Variants in RPGRIP1 observed in about 807,000 individuals in gnomAD.
RPGRIP1 encodes the protein RPGR interacting protein 1, also known as X-linked retinitis pigmentosa GTPase regulator-interacting protein 1.
In RPGRIP1, 128 loss-of-function variants were observed where a neutral mutation model predicts 157.9. The observed-to-expected ratio is 0.81, with a 90% confidence interval of 0.70 to 0.94. RPGRIP1 has a LOEUF of 0.94. Ranked by LOEUF, RPGRIP1 falls within the 40% of genes least tolerant of loss-of-function variation. RPGRIP1 has a pLI of 0.00. For missense variants in RPGRIP1, 1,486 were observed against 1,545.8 expected (o/e 0.96, Z 0.65); for synonymous variants, 554 against 571.6 (o/e 0.97, Z 0.44).
intron 21 of RPGRIP1, among the ~76,000 whole-genome samples, chr14:21,341,509 A>G (rs1409603434): frequency 1.3e-5 from 2 of 152,112 alleles, no homozygotes; most frequent in African/African-American, 4.8e-5. Context: ...CCAGCTAGTG[A>G]AAAGAAGCAT....
intron 1 of RPGRIP1, among the ~76,000 whole-genome samples, chr14:21,284,344 A>G (rs1467569294): frequency 1.3e-5 from 2 of 152,166 alleles, no homozygotes; most frequent in African/African-American, 4.8e-5. Context: ...ACCTAAAGGT[A>G]GGAACAGAGC....
At chr14:21,342,502 C>A (rs972077972) in intron 21 of RPGRIP1, among the ~76,000 whole-genome samples, 6 of 148,352 alleles carry the variant, frequency 4.0e-5, no homozygotes, top group African/African-American at 1.5e-4. Flanking sequence ...CATGATCACA[C>A]AACTGCCCTC....
intron 13 of RPGRIP1, 180 bp downstream of exon 13, chr14:21,321,582 C>A: frequency 7.7e-7 from 1 of 1,300,508 alleles, no homozygotes; most frequent in Non-Finnish European, 1.0e-6. Context: ...CCCACGGCAC[C>A]TTGGCACTAG....
rs10561385 is a variant in RPGRIP1, at chr14:21,348,663, CTTT to C, written c.3748+379_3748+381del. Among the ~76,000 whole-genome samples, 804 of 82,414 alleles carry C rather than the reference CTTT, an allele frequency of 9.8e-3. 6 individuals carry two copies. Among genetic ancestry groups the C allele is most frequent in the African/African-American group, 0.035 (727 of 21,070 alleles). 54.1% of individuals were successfully genotyped at this position (82,414 alleles called of 152,430 possible). ...TTCTTTATGTTATCATGCATCCAGT[CTTT>C]TTTTTTTTTTTTTTTTTGAGATGGA... On this transcript the variant is annotated intron_variant, in intron 24 of 24. Transcript: ENST00000400017.
chr14:21,293,191 C>T (rs144232376), intron 2 of RPGRIP1, among the ~76,000 whole-genome samples: 1 of 152,010 alleles, frequency 6.6e-6, no homozygotes, highest in Non-Finnish European at 1.5e-5. Flanking sequence ...ATATGGTTCC[C>T]ATTCACCATG....
intron 13 of RPGRIP1, 38 bp from the exon 14 acceptor site, chr14:21,321,816 C>A: frequency 6.3e-7 from 1 of 1,596,556 alleles, no homozygotes; most frequent in Non-Finnish European, 8.5e-7. Context: ...GGTTTTAGGC[C>A]ACTGAGATAG....
chr14:21,343,283 G>A lies in RPGRIP1; in HGVS notation c.3532+55G>A, dbSNP rs1363392354. ...AGGAAGTCTGATGAACATTGAGACT[G>A]AGGGTCAGAATTACTCTGGATTTTT... On this transcript the variant is annotated intron_variant, in intron 22 of 24. Transcript: ENST00000400017. 8 of 1,360,322 alleles carry A rather than the reference G, an allele frequency of 5.9e-6. No homozygotes were observed. In the African/African-American group the frequency reaches 1.0e-4, roughly 17 times the overall value. 84.3% of individuals were successfully genotyped at this position (1,360,322 alleles called of 1,614,324 possible). A position where few individuals can be genotyped will look rare whatever the true frequency, so the allele number is the denominator to read the frequency against.
chr14:21,290,818 CA>C (rs111616598), intron 2 of RPGRIP1, among the ~76,000 whole-genome samples: 3,255 of 114,806 alleles, frequency 0.028, 112 homozygotes, highest in African/African-American at 0.097. Flanking sequence ...GACTCCGTCT[CA>C]AAAAAAAAAA....
At position 21,304,966 on chromosome 14, in the gene RPGRIP1, T is replaced by A. The variant is rs188302341; in HGVS notation, c.800+1423T>A. On this transcript the variant is annotated intron_variant, in intron 6 of 24. Transcript: ENST00000400017. ...ACAGGCGCCCGCCACCATGCCCGGC[T>A]AATTTTTTTGTATTTTTAGTAGAGA... 1.9e-4 allele frequency among the ~76,000 whole-genome samples: 29 copies of A among 152,244 alleles called. No homozygotes were observed. The East Asian group carries it at 5.2e-3, about 27-fold the overall frequency.
At chr14:21,347,067 T>C (rs546399896) in intron 23 of RPGRIP1, among the ~76,000 whole-genome samples, 1 of 152,370 alleles carries the variant, frequency 6.6e-6, no homozygotes, top group East Asian at 1.9e-4. Context: ...GCTTTCACTT[T>C]TTTTTCCCCA....
At chr14:21,304,856 C>G (rs948012631) in intron 6 of RPGRIP1, among the ~76,000 whole-genome samples, 1 of 151,466 alleles carries the variant, frequency 6.6e-6, no homozygotes, top group Non-Finnish European at 1.5e-5. Context: ...GGCTGGAGGG[C>G]AGTGGCGTGA....
At chr14:21,304,880 C>T (rs1212179935) in intron 6 of RPGRIP1, among the ~76,000 whole-genome samples, 2 of 151,934 alleles carry the variant, frequency 1.3e-5, no homozygotes, top group East Asian at 1.9e-4. Context: ...CGGCTCACTG[C>T]AAGCTCTGCC....
In RPGRIP1 at chr14:21,301,223, A is replaced by G; in HGVS notation, c.476A>G (p.Glu159Gly). 1 of 1,588,562 alleles carries G rather than the reference A, an allele frequency of 6.3e-7. No homozygotes were observed. The highest frequency in any genetic ancestry group is 1.1e-5 in the South Asian group (1 of 87,154). ...CACACAGCCGGTGCACCGGTGCCGG[A>G]GAAACCCAAGAGGGGTGAGATTTAA... ...QLHTAGAPVP[E>G]KPKRGPRDRL... Residue 159 changes from glutamate to glycine, a missense_variant, in exon 4 of 25, where the codon GAG becomes GGG. Coordinates refer to ENST00000400017, the MANE Select transcript of RPGRIP1 (RefSeq NM_020366.4).
intron 12 of RPGRIP1, among the ~76,000 whole-genome samples, 170 bp downstream of exon 12, chr14:21,320,347 T>TG (rs145219616): frequency 0.058 from 8,892 of 152,150 alleles, 386 homozygotes; most frequent in South Asian, 0.091. Context: ...TGGAGTGCAG[T>TG]GGCGCGATCT....
rs771018578 is a variant in RPGRIP1 at position 21,325,970 on chromosome 14, C to T, written c.2507C>T (p.Thr836Ile). The T allele has an allele frequency of 6.2e-7, 1 of 1,613,906 alleles. No homozygotes were observed. The highest frequency in any genetic ancestry group is 1.3e-5 in the African/African-American group (1 of 74,920). The change falls in exon 17 of 25, where the codon ACT (threonine) becomes ATT (isoleucine). Residue 836 changes from threonine to isoleucine, a missense_variant. By Grantham distance (89) the Thr-to-Ile change is moderately conservative (BLOSUM62 -1). Coordinates refer to ENST00000400017, the MANE Select transcript of RPGRIP1 (RefSeq NM_020366.4). The part of the protein sequence containing the change: ...YRFFTFSDHD[T>I]AIIPASNNPY... ...TTCTTCACCTTTTCTGACCATGACA[C>T]TGCCATCATTCCAGCCAGTAACAAC...
chr14:21,311,949 C>G lies in RPGRIP1; in HGVS notation c.1056C>G (p.Ile352Met). 3.1e-6 allele frequency: 5 copies of G among 1,613,290 alleles called. No individual in the cohort carries two copies. The highest frequency in any genetic ancestry group is 4.2e-6 in the Non-Finnish European group (5 of 1,179,594). ...SLKSQLEDVS[I>M]LQMTLKEFQE... ...AGAGCCAACTGGAAGATGTGTCTAT[C>G]TTGCAGATGACTCTGAAGGAGGTAA... Residue 352 changes from isoleucine to methionine, a missense_variant, in exon 9 of 25, where the codon ATC (isoleucine) becomes ATG (methionine). Coordinates refer to ENST00000400017, the MANE Select transcript of RPGRIP1 (RefSeq NM_020366.4).
chr14:21,288,785 T>A (rs1880403675), intron 2 of RPGRIP1, among the ~76,000 whole-genome samples: 1 of 152,056 alleles, frequency 6.6e-6, no homozygotes, highest in African/African-American at 2.4e-5. Context: ...ACGTGCTGGA[T>A]TACAGGCGTG....
Position 21,311,931 on chromosome 14 carries a change from A to C in RPGRIP1, c.1038A>C (p.Gln346His). ...AGAAGGCTGTGAGCTTGAAGAGCCA[A>C]CTGGAAGATGTGTCTATCTTGCAGA... ...ESKKAVSLKS[Q>H]LEDVSILQMT... is the part of the protein sequence containing the mutation. Residue 346 changes from glutamine to histidine, a missense_variant, in exon 9 of 25, where the codon CAA becomes CAC. Gln to His is a conservative substitution (Grantham distance 24). Transcript: ENST00000400017. 1 of 1,613,452 alleles carries C rather than the reference A, an allele frequency of 6.2e-7. No individual in the cohort carries two copies. Among genetic ancestry groups the C allele is most frequent in the South Asian group, 1.1e-5 (1 of 90,892 alleles).
At chr14:21,309,409 G>C (rs890411423) in intron 7 of RPGRIP1, among the ~76,000 whole-genome samples, 1 of 152,084 alleles carries the variant, frequency 6.6e-6, no homozygotes, top group African/African-American at 2.4e-5. Flanking sequence ...CTACTATGGA[G>C]GCTGAGGCAG....
Sources: gnomAD v4.1 joint callset for allele counts (sites outside exome capture counted in the v4.1 genomes callset) on GRCh38, gnomAD v4.1.1 for gene constraint, MANE v1.5 for transcripts, NCBI Gene and HGNC (gene_info 2026-07-23, HGNC 2026-07-21) for gene names.